PRR33: variants seen among roughly 807,000 people sequenced by gnomAD.
The protein encoded by PRR33 is proline rich 33.
Under a neutral mutation model 0.5 loss-of-function variants are expected in PRR33, and 1 was observed. That is an observed-to-expected ratio of 2.18 (90% CI 0.77 to 10.34). The LOEUF (loss-of-function observed/expected upper bound fraction) is 10.34, where lower values mean the gene tolerates loss of function less well. Ranked by LOEUF, PRR33 falls within the 30% of genes most tolerant of loss-of-function variation. The probability of loss-of-function intolerance (pLI) is 0.13; values close to 1 mark genes in which losing one functional copy is unlikely to be tolerated. For missense variants in PRR33, 552 were observed against 251.8 expected (o/e 2.19, Z -8.07); for synonymous variants, 226 against 110.0 (o/e 2.06, Z -6.60).
At chr11:1,893,439 G>T (rs974863478), upstream of PRR33, among the ~76,000 whole-genome samples, 4 of 136,684 alleles carry the variant, frequency 2.9e-5, no homozygotes, top group Non-Finnish European at 6.7e-5. Flanking sequence ...CTGGCTGGCT[G>T]GCTGGCTGGC....
the PRR33 span, among the ~76,000 whole-genome samples, chr11:1,916,727 G>A: frequency 8.7e-3 from 1,322 of 152,194 alleles, 7 homozygotes; most frequent in Middle Eastern, 0.044. Context: ...GCTCAGCCTC[G>A]AGAACAAGGA....
At chr11:1,889,536 T>A in exon 1 of PRR33, 1 of 613,600 alleles carries the variant, frequency 1.6e-6, no homozygotes. Context: ...TGGGGCCTCC[T>A]CCAGCAGCTG....
At chr11:1,909,897 T>A in the PRR33 span, among the ~76,000 whole-genome samples, 1 of 152,262 alleles carries the variant, frequency 6.6e-6, no homozygotes, top group African/African-American at 2.4e-5. Context: ...GGACGTTTCA[T>A]CATAAGTGTG....
chr11:1,902,877 T>C, the PRR33 span, among the ~76,000 whole-genome samples: 2 of 152,270 alleles, frequency 1.3e-5, no homozygotes, highest in East Asian at 3.9e-4. Context: ...GGATTACTCA[T>C]GCCCCCCACC....
At chr11:1,911,285 T>C in the PRR33 span, among the ~76,000 whole-genome samples, 1 of 151,888 alleles carries the variant, frequency 6.6e-6, no homozygotes, top group African/African-American at 2.4e-5. Flanking sequence ...CTACCAAAAA[T>C]ACACAGATTA....
chr11:1,889,977 A>T, exon 1 of PRR33: 1 of 632,554 alleles, frequency 1.6e-6, no homozygotes, highest in Non-Finnish European at 2.9e-6. Context: ...GTTGGATCCC[A>T]CTTCTGGGGC....
At chr11:1,901,788 A>C in the PRR33 span, among the ~76,000 whole-genome samples, 8 of 152,240 alleles carry the variant, frequency 5.3e-5, no homozygotes, top group South Asian at 1.7e-3. Flanking sequence ...TTGTTACGTA[A>C]ATTTAAAACA....
At chr11:1,915,838 A>G in the PRR33 span, among the ~76,000 whole-genome samples, 2 of 150,510 alleles carry the variant, frequency 1.3e-5, no homozygotes, top group Non-Finnish European at 3.0e-5. Context: ...AGATGGATAG[A>G]TGAAGAGATG....
At chr11:1,906,902 G>A in the PRR33 span, among the ~76,000 whole-genome samples, 9 of 152,208 alleles carry the variant, frequency 5.9e-5, no homozygotes, top group Non-Finnish European at 8.8e-5. Flanking sequence ...TGAGCTTCAC[G>A]AACTTCAGCT....
exon 1 of PRR33, chr11:1,890,274 G>C (rs902777187): frequency 1.4e-6 from 1 of 713,270 alleles, no homozygotes; most frequent in Admixed American, 2.0e-5. Context: ...CATGCGGGGA[G>C]CCTCGGCGGG....
At chr11:1,908,063 G>A in the PRR33 span, 1 of 152,204 alleles carries the variant, frequency 6.6e-6, no homozygotes, top group Non-Finnish European at 1.5e-5. Context: ...AACCCCCTCT[G>A]AGCTTCAGTT....
the PRR33 span, among the ~76,000 whole-genome samples, chr11:1,901,269 G>A: frequency 3.3e-5 from 5 of 151,202 alleles, no homozygotes; most frequent in African/African-American, 1.2e-4. Flanking sequence ...CCAAGTTTAC[G>A]CCATTGCACT....
the PRR33 span, among the ~76,000 whole-genome samples, chr11:1,904,393 G>A: frequency 7.2e-5 from 11 of 152,170 alleles, no homozygotes; most frequent in African/African-American, 2.4e-4. Context: ...GCCAGGCATG[G>A]TGGTGCATGC....
In PRR33 at chr11:1,889,072, C is replaced by T. The variant is rs1022095106; in HGVS notation, c.*73G>A. ...TGCATCTTCATGCAGCAACTATGGG[C>T]CCCCAGCTAGAGCCTCAGCCCCTTC... On this transcript the variant is annotated 3_prime_UTR_variant, in exon 1 of 1. Transcript: ENST00000640310. 18 of 580,188 alleles carry T rather than the reference C, an allele frequency of 3.1e-5. No individual in the cohort carries two copies. In the East Asian group the frequency reaches 4.9e-4, roughly 16 times the overall value. The allele number at this position is 580,188 out of a possible 1,614,324, so 35.9% of individuals were successfully genotyped here.
At chr11:1,913,517 C>A in the PRR33 span, among the ~76,000 whole-genome samples, 2 of 152,178 alleles carry the variant, frequency 1.3e-5, no homozygotes, top group Non-Finnish European at 2.9e-5. Context: ...CAGGGCTTTG[C>A]TCTGGGGTCT....
chr11:1,906,101 C>T, the PRR33 span, among the ~76,000 whole-genome samples: 1 of 151,614 alleles, frequency 6.6e-6, no homozygotes, highest in Non-Finnish European at 1.5e-5. Context: ...GCTGGGATTA[C>T]AGGAGTGAGC....
At chr11:1,896,224 A>G (rs1214625907), upstream of PRR33, among the ~76,000 whole-genome samples, 1 of 152,168 alleles carries the variant, frequency 6.6e-6, no homozygotes, top group Non-Finnish European at 1.5e-5. Context: ...GGACCTGTGA[A>G]TTTCTATAAA....
the PRR33 span, among the ~76,000 whole-genome samples, chr11:1,898,270 C>A: frequency 6.6e-6 from 1 of 151,598 alleles, no homozygotes; most frequent in Non-Finnish European, 1.5e-5. Context: ...AGTCTCGCTC[C>A]GTCGGCTGGA....
the PRR33 span, among the ~76,000 whole-genome samples, chr11:1,913,464 C>T: frequency 6.6e-6 from 1 of 152,154 alleles, no homozygotes; most frequent in East Asian, 1.9e-4. Flanking sequence ...CTGATATAAG[C>T]ATCCAGGCCT....
Sources: allele counts gnomAD v4.1 joint callset (sites outside exome capture counted in the v4.1 genomes callset), GRCh38; gene constraint gnomAD v4.1.1; transcripts MANE v1.5; gene names NCBI Gene and HGNC (gene_info 2026-07-23, HGNC 2026-07-21).